The following AUTS2 variants were observed in gnomAD, a reference collection of about 807,000 sequenced individuals.
The protein encoded by AUTS2 is autism susceptibility gene 2 protein.
AUTS2 carries 17 observed loss-of-function variants against 112.4 expected under a neutral mutation model. The observed-to-expected ratio is 0.15, with a 90% CI of 0.10 to 0.23. The LOEUF is 0.23. AUTS2 is among the 10% of genes least tolerant of loss of function. AUTS2 has a pLI of 1.00. For synonymous variants in AUTS2, 751 were observed against 702.7 expected, an observed-to-expected ratio of 1.07 and a Z score of -1.09; for missense variants, 1,510 against 1,701.6, an observed-to-expected ratio of 0.89 and a Z score of 1.98.
Position 70,169,008 on chromosome 7 carries a change from C to T in AUTS2, c.660+34437C>T, listed in dbSNP as rs116371952. The stretch of plus-strand genomic sequence containing the variant: ...AAGCTGTTGGAGATTTTAATAATCC[C>T]AATAAAATATTTCCATTTTTCAAAT... On this transcript the variant is annotated intron_variant, in intron 4 of 18. Transcript: ENST00000342771. Among the ~76,000 whole-genome samples, 446 of 151,978 alleles carry T rather than the reference C, an allele frequency of 2.9e-3. 5 individuals are homozygous for T. Among genetic ancestry groups the T allele is most frequent in the African/African-American group, 0.01 (430 of 41,468 alleles).
At chr7:70,661,547 A>C (rs1807070238) in intron 5 of AUTS2, among the ~76,000 whole-genome samples, 1 of 152,200 alleles carries the variant, frequency 6.6e-6, no homozygotes, top group Non-Finnish European at 1.5e-5. Flanking sequence ...ACCTTGGGCA[A>C]CTTCCTTAGC....
chr7:69,775,688 GC>G (rs1197205536), intron 1 of AUTS2, among the ~76,000 whole-genome samples: 1 of 152,122 alleles, frequency 6.6e-6, no homozygotes, highest in Non-Finnish European at 1.5e-5. Flanking sequence ...TTTTCCTATA[GC>G]AGTACTGGTC....
At chr7:70,282,428 A>G (rs1014408666) in intron 4 of AUTS2, among the ~76,000 whole-genome samples, 1 of 152,134 alleles carries the variant, frequency 6.6e-6, no homozygotes, top group Non-Finnish European at 1.5e-5. Context: ...CAAGATCAAG[A>G]TGCTGGCAGG....
chr7:70,554,789 C>T (rs148480134), intron 5 of AUTS2, among the ~76,000 whole-genome samples: 3 of 152,340 alleles, frequency 2.0e-5, no homozygotes, highest in African/African-American at 4.8e-5. Flanking sequence ...CTATGTGACT[C>T]ATAAAGGCAG....
intron 5 of AUTS2, among the ~76,000 whole-genome samples, chr7:70,605,507 GTCTT>G (rs1438547113): frequency 3.5e-5 from 3 of 86,342 alleles, no homozygotes; most frequent in African/African-American, 9.7e-5. Flanking sequence ...ATTTGTTTTT[GTCTT>G]TCTTTTTTTT....
intron 4 of AUTS2, among the ~76,000 whole-genome samples, chr7:70,334,635 ACGC>A (rs943626389): frequency 3.7e-4 from 56 of 152,282 alleles, no homozygotes; most frequent in African/African-American, 1.3e-3. Flanking sequence ...TAGGAATTGT[ACGC>A]CTTGCTCATT....
At chr7:70,770,756 G>T (rs1330285570) in intron 10 of AUTS2, among the ~76,000 whole-genome samples, 1 of 152,172 alleles carries the variant, frequency 6.6e-6, no homozygotes, top group Non-Finnish European at 1.5e-5. Flanking sequence ...ATACCATTCA[G>T]AAGTGGCCAT....
chr7:70,043,671 G>A (rs1351255420), intron 2 of AUTS2, among the ~76,000 whole-genome samples: 2 of 147,714 alleles, frequency 1.4e-5, no homozygotes, highest in East Asian at 2.0e-4. Context: ...GTGCAATGGC[G>A]CAATCTTGGC....
chr7:69,958,765 G>A (rs971821344), intron 2 of AUTS2, among the ~76,000 whole-genome samples: 3 of 152,120 alleles, frequency 2.0e-5, no homozygotes, highest in East Asian at 1.9e-4. Context: ...TGTCTGAGTC[G>A]GTAGGCCTGA....
chr7:70,430,828 C>CTTTTTTTTT (rs745358887), intron 4 of AUTS2, among the ~76,000 whole-genome samples: 4 of 94,510 alleles, frequency 4.2e-5, no homozygotes, highest in African/African-American at 1.8e-4. Context: ...GCAGTGTCGC[C>CTTTTTTTTT]TTTTTTTTTT....
intron 1 of AUTS2, among the ~76,000 whole-genome samples, chr7:69,649,700 A>G (rs1795206739): frequency 6.6e-6 from 1 of 152,036 alleles, no homozygotes; most frequent in Non-Finnish European, 1.5e-5. Flanking sequence ...GGATACAAAC[A>G]TTAAAAAAAA....
chr7:70,046,611 C>T (rs1392628647), intron 2 of AUTS2, among the ~76,000 whole-genome samples: 1 of 152,050 alleles, frequency 6.6e-6, no homozygotes, highest in Non-Finnish European at 1.5e-5. Context: ...AGTAAATGAG[C>T]AAAGAAGGGA....
rs187539467 is a variant in AUTS2, at chr7:70,072,123, T to G, written c.523-46009T>G. On this transcript the variant is annotated intron_variant, in intron 2 of 18. Coordinates refer to ENST00000342771, the MANE Select transcript of AUTS2 (RefSeq NM_015570.4). ...TACAAATGATTTTTCTTGCTTGCTT[T>G]CTTCTCACCCTTTTTAATTTTTCTT... Among the ~76,000 whole-genome samples the G allele has an allele frequency of 1.7e-3, 266 of 152,328 alleles. 1 individual carries two copies. Among genetic ancestry groups the G allele is most frequent in the African/African-American group, 5.9e-3 (244 of 41,566 alleles).
intron 4 of AUTS2, among the ~76,000 whole-genome samples, chr7:70,218,819 G>A (rs184706683): frequency 6.6e-6 from 1 of 152,202 alleles, no homozygotes; most frequent in East Asian, 1.9e-4. Flanking sequence ...CCATCAGCCA[G>A]AACCTACCTT....
intron 5 of AUTS2, among the ~76,000 whole-genome samples, chr7:70,697,568 C>CCA (rs1554464437): frequency 7.0e-6 from 1 of 142,682 alleles, no homozygotes; most frequent in Non-Finnish European, 1.5e-5. Flanking sequence ...ATTCCCCCCC[C>CCA]CCATTTCCTA....
chr7:70,152,197 C>G (rs1167214285), intron 4 of AUTS2, among the ~76,000 whole-genome samples: 1 of 152,104 alleles, frequency 6.6e-6, no homozygotes, highest in Non-Finnish European at 1.5e-5. Context: ...TGTGTGAAAA[C>G]TTCATACAGT....
At chr7:69,666,817 G>C (rs184064800) in intron 1 of AUTS2, among the ~76,000 whole-genome samples, 1 of 152,058 alleles carries the variant, frequency 6.6e-6, no homozygotes, top group South Asian at 2.1e-4. Flanking sequence ...TGGGAGGATC[G>C]CTTGAGCCCA....
At chr7:70,625,869 G>A (rs1478713445) in intron 5 of AUTS2, among the ~76,000 whole-genome samples, 3 of 152,048 alleles carry the variant, frequency 2.0e-5, no homozygotes, top group Non-Finnish European at 4.4e-5. Context: ...TTCAGCTTTC[G>A]AATCATCTGA....
At chr7:70,673,560 G>C (rs1408396134) in intron 5 of AUTS2, among the ~76,000 whole-genome samples, 3 of 151,984 alleles carry the variant, frequency 2.0e-5, no homozygotes, top group Non-Finnish European at 4.4e-5. Context: ...TTTTTTAGTA[G>C]AGATAGGGTT....
Sources: allele counts gnomAD v4.1 joint callset (sites outside exome capture counted in the v4.1 genomes callset), GRCh38; gene constraint gnomAD v4.1.1; transcripts MANE v1.5; gene names NCBI Gene and HGNC (gene_info 2026-07-23, HGNC 2026-07-21).